The following ADGRV1 variants were observed in gnomAD, a reference collection of about 807,000 sequenced individuals.
The protein encoded by ADGRV1 is G-protein coupled receptor 98.
A neutral mutation model predicts 596.2 loss-of-function variants in ADGRV1; 359 were observed. The ratio of observed to expected loss-of-function variants is 0.60; its 90% CI spans 0.55 to 0.66. The LOEUF is 0.66. ADGRV1 is among the 30% of genes least tolerant of loss of function. The pLI is 0.00. For synonymous variants in ADGRV1, 2,681 were observed against 2,679.2 expected, an observed-to-expected ratio of 1.00 and a Z score of -0.02; for missense variants, 7,274 against 7,575.6, an observed-to-expected ratio of 0.96 and a Z score of 1.48.
At chr5:90,779,774 A>G (rs1178143189) in intron 64 of ADGRV1, 15 of 152,214 alleles carry the variant, frequency 9.9e-5, no homozygotes, top group Admixed American at 5.2e-4. Context: ...ATCTCTGCCC[A>G]GATAGCAGAT....
At chr5:90,564,961 G>C (rs538515754) in intron 1 of ADGRV1, among the ~76,000 whole-genome samples, 1 of 152,056 alleles carries the variant, frequency 6.6e-6, no homozygotes, top group Non-Finnish European at 1.5e-5. Context: ...TGGCCTGGGC[G>C]TGGTGGCTCA....
At chr5:90,576,797 G>T (rs1418267916) in intron 1 of ADGRV1, among the ~76,000 whole-genome samples, 1 of 152,152 alleles carries the variant, frequency 6.6e-6, no homozygotes, top group South Asian at 2.1e-4. Flanking sequence ...ACTTATTAAT[G>T]ATTGCCATTC....
chr5:90,803,821 G>A (rs896075239), intron 71 of ADGRV1, among the ~76,000 whole-genome samples: 4 of 149,212 alleles, frequency 2.7e-5, no homozygotes, highest in Admixed American at 2.6e-4. Flanking sequence ...TTGTTCATGT[G>A]TTGTTATAAA....
rs771310190 is a variant in ADGRV1, at chr5:90,757,200, G to A, written c.11940+39G>A. 1.9e-6 allele frequency: 3 copies of A among 1,566,230 alleles called. No homozygotes were observed. In the African/African-American group the frequency reaches 4.1e-5, roughly 21 times the overall value. On this transcript the variant is annotated intron_variant, in intron 57 of 89. Coordinates refer to ENST00000405460, the MANE Select transcript of ADGRV1 (RefSeq NM_032119.4). ...TAACATATTAGCCTTTTTGAGTTGT[G>A]CTTCAGACATTTTGTAGGCATCCAT...
intron 85 of ADGRV1, among the ~76,000 whole-genome samples, chr5:91,042,364 A>T (rs1489112153): frequency 1.3e-5 from 2 of 152,222 alleles, no homozygotes; most frequent in Non-Finnish European, 2.9e-5. Context: ...ACTGTTTTAT[A>T]TCATTTACAG....
intron 84 of ADGRV1, among the ~76,000 whole-genome samples, chr5:90,982,051 G>T (rs1285786784): frequency 6.6e-6 from 1 of 152,080 alleles, no homozygotes; most frequent in East Asian, 1.9e-4. Flanking sequence ...TCATGCGACT[G>T]CACTCCAGCC....
chr5:90,604,722 A>G (rs542793699), intron 1 of ADGRV1, among the ~76,000 whole-genome samples: 1 of 152,140 alleles, frequency 6.6e-6, no homozygotes, highest in East Asian at 1.9e-4. Flanking sequence ...TAAACATGTG[A>G]TCCTTATTTT....
chr5:90,605,518 A>G (rs1405900723), intron 1 of ADGRV1, among the ~76,000 whole-genome samples: 1 of 152,030 alleles, frequency 6.6e-6, no homozygotes, highest in Non-Finnish European at 1.5e-5. Flanking sequence ...TCCTGGAAGT[A>G]TTTGTCTGTA....
rs1766585232 is a variant in ADGRV1, at chr5:90,852,083, G to T, written c.17205-1201G>T. ...AGCTATGGTGGAGGTGGAGGTATGT[G>T]AGGTCCACACAAATTGAGGTGTTTC... On this transcript the variant is annotated intron_variant, in intron 79 of 89. Transcript: ENST00000405460. 2.6e-5 allele frequency among the ~76,000 whole-genome samples: 4 copies of T among 152,230 alleles called. No homozygotes were observed. The South Asian group carries it at 8.3e-4, about 32-fold the overall frequency.
At chr5:90,734,376 C>T (rs1158622089) in intron 50 of ADGRV1, among the ~76,000 whole-genome samples, 1 of 152,128 alleles carries the variant, frequency 6.6e-6, no homozygotes, top group Non-Finnish European at 1.5e-5. Context: ...ACGTTTCTAC[C>T]AACAGTGCAT....
At chr5:91,099,238 C>T (rs777967149) in intron 86 of ADGRV1, among the ~76,000 whole-genome samples, 11 of 152,014 alleles carry the variant, frequency 7.2e-5, no homozygotes, top group East Asian at 1.9e-4. Flanking sequence ...TATATCAGCA[C>T]GGTCCCTTCT....
chr5:90,884,383 T>C (rs1210055659), intron 83 of ADGRV1, among the ~76,000 whole-genome samples: 2 of 152,186 alleles, frequency 1.3e-5, no homozygotes, highest in Non-Finnish European at 2.9e-5. Flanking sequence ...TTATGAAATG[T>C]ATCTTGTTTT....
chr5:90,612,575 G>A (rs1700511), intron 1 of ADGRV1, among the ~76,000 whole-genome samples: 36,546 of 151,834 alleles, frequency 0.24, 5,295 homozygotes, highest in Non-Finnish European at 0.33. Context: ...CTATAAAATG[G>A]TACTAATGCT....
intron 85 of ADGRV1, among the ~76,000 whole-genome samples, chr5:91,003,057 G>A (rs563421775): frequency 6.6e-6 from 1 of 151,982 alleles, no homozygotes; most frequent in Non-Finnish European, 1.5e-5. Flanking sequence ...TACCTCCCAG[G>A]GTACCACACT....
At chr5:90,779,188 A>C in intron 64 of ADGRV1, 91 bp downstream of exon 64, 2 of 685,730 alleles carry the variant, frequency 2.9e-6, no homozygotes, top group Non-Finnish European at 4.9e-6. Context: ...CTGAGCTCTA[A>C]AGCAGTTCTT....
chr5:90,566,095 A>AT (rs1240199867), intron 1 of ADGRV1, among the ~76,000 whole-genome samples: 3 of 151,256 alleles, frequency 2.0e-5, no homozygotes, highest in Non-Finnish European at 4.4e-5. Flanking sequence ...ATCATTTGCA[A>AT]TTTTTTTTCA....
chr5:90,984,677 C>A (rs953769807), intron 84 of ADGRV1, among the ~76,000 whole-genome samples: 1 of 152,128 alleles, frequency 6.6e-6, no homozygotes, highest in Non-Finnish European at 1.5e-5. Context: ...TGCTGTATCC[C>A]CAGCACCTAC....
chr5:91,022,235 T>C (rs1274387941), intron 85 of ADGRV1, among the ~76,000 whole-genome samples: 1 of 152,114 alleles, frequency 6.6e-6, no homozygotes, highest in East Asian at 1.9e-4. Context: ...ATCCAGTGTA[T>C]TTATCAATGT....
chr5:90,891,887 A>G (rs1216772879), intron 83 of ADGRV1, among the ~76,000 whole-genome samples: 1 of 152,002 alleles, frequency 6.6e-6, no homozygotes, highest in Non-Finnish European at 1.5e-5. Flanking sequence ...GTTAATATGG[A>G]AACTTTGGTT....
Sources: allele counts gnomAD v4.1 joint callset (sites outside exome capture counted in the v4.1 genomes callset), GRCh38; gene constraint gnomAD v4.1.1; transcripts MANE v1.5; gene names NCBI Gene and HGNC (gene_info 2026-07-23, HGNC 2026-07-21).